The following STIM2 variants were observed in gnomAD, a reference collection of about 807,000 sequenced individuals.
STIM2 encodes the protein stromal interaction molecule 2.
A neutral mutation model predicts 85.8 loss-of-function variants in STIM2; 31 were observed. That is an observed-to-expected ratio of 0.36 (90% CI 0.27 to 0.49). The LOEUF is 0.49. STIM2 is among the 20% of genes least tolerant of loss of function. The pLI is 0.98. For missense variants in STIM2, 841 were observed against 927.6 expected, an observed-to-expected ratio of 0.91 and a Z score of 1.21; for synonymous variants, 356 against 331.1, an observed-to-expected ratio of 1.08 and a Z score of -0.82.
intron 1 of STIM2, among the ~76,000 whole-genome samples, chr4:26,866,798 T>C (rs1452467615): frequency 6.6e-6 from 1 of 152,072 alleles, no homozygotes; most frequent in Non-Finnish European, 1.5e-5. Context: ...TATTAGATTA[T>C]TTGAGAGATA....
intron 3 of STIM2, among the ~76,000 whole-genome samples, chr4:26,992,868 T>G (rs1727814770): frequency 6.6e-6 from 1 of 152,098 alleles, no homozygotes; most frequent in Admixed American, 6.6e-5. Flanking sequence ...AATGGTTCTG[T>G]TAGATCTGTT....
chr4:26,865,255 G>A (rs1236335610), intron 1 of STIM2, among the ~76,000 whole-genome samples: 1 of 152,042 alleles, frequency 6.6e-6, no homozygotes, highest in African/African-American at 2.4e-5. Context: ...TGATCTAGTC[G>A]ATTCTGAACA....
chr4:26,946,887 C>A (rs1305102689), intron 2 of STIM2, among the ~76,000 whole-genome samples: 2 of 152,088 alleles, frequency 1.3e-5, no homozygotes, highest in Admixed American at 1.3e-4. Context: ...GATTCCAGAC[C>A]CTGTATACTA....
At chr4:26,891,599 C>A (rs200522378) in intron 1 of STIM2, among the ~76,000 whole-genome samples, 165 of 138,904 alleles carry the variant, frequency 1.2e-3, no homozygotes, top group Admixed American at 3.3e-3. Flanking sequence ...ACACACACAC[C>A]CCCTTTTGGT....
rs114692031 is a variant in STIM2, at chr4:27,012,765, C to T, written c.1489+3763C>T. Among the ~76,000 whole-genome samples the T allele has an allele frequency of 3.0e-3, 457 of 152,022 alleles. 1 individual carries two copies. The highest frequency in any genetic ancestry group is 0.01 in the African/African-American group (421 of 41,484). ...TTTAAAGAGAATGCTGCCAGAATTTCACCAGGAAGTATTTTTTTTAATGTT... is the reference window on the plus strand; with the variant it reads ...TTTAAAGAGAATGCTGCCAGAATTTTACCAGGAAGTATTTTTTTTAATGTT... On this transcript the variant is annotated intron_variant, in intron 10 of 11. Coordinates refer to ENST00000467087, the MANE Select transcript of STIM2 (RefSeq NM_020860.4).
At chr4:26,876,639 A>G (rs543593426) in intron 1 of STIM2, among the ~76,000 whole-genome samples, 5 of 152,306 alleles carry the variant, frequency 3.3e-5, no homozygotes, top group Non-Finnish European at 7.4e-5. Context: ...ACTCATAACC[A>G]AATGCCTTTA....
intron 1 of STIM2, among the ~76,000 whole-genome samples, chr4:26,891,558 T>TACACACACACACACACACACAC (rs71643700): frequency 6.9e-6 from 1 of 144,540 alleles, no homozygotes; most frequent in Non-Finnish European, 1.5e-5. Context: ...TATACATACA[T>TACACACACACACACACACACAC]ACACACACAC....
chr4:26,930,910 G>A (rs972006800), intron 2 of STIM2, among the ~76,000 whole-genome samples: 4 of 152,136 alleles, frequency 2.6e-5, no homozygotes, highest in Non-Finnish European at 5.9e-5. Context: ...CATGGTTTCT[G>A]TGGGTCAGAA....
chr4:26,874,754 G>A (rs35421037), intron 1 of STIM2, among the ~76,000 whole-genome samples: 19,770 of 152,140 alleles, frequency 0.13, 2,210 homozygotes, highest in African/African-American at 0.3. Flanking sequence ...TAGACTGTGA[G>A]GTTACATTGT....
chr4:26,861,316 C>T lies in STIM2; in HGVS notation c.98C>T (p.Thr33Ile). 1.4e-6 allele frequency: 2 copies of T among 1,411,216 alleles called. No individual in the cohort carries two copies. Among genetic ancestry groups the T allele is most frequent in the East Asian group, 3.1e-5 (1 of 32,422 alleles). 87.4% of individuals were successfully genotyped at this position (1,411,216 alleles called of 1,614,324 possible). A position where few individuals can be genotyped will look rare whatever the true frequency, so the allele number is the denominator to read the frequency against. ...CGGCGGGCGACTGGCTCTGCCGCAA[C>T]TGCCGCCTCCTCTCCCGCCGCGGCG... The change falls in exon 1 of 12, where the codon ACT (threonine) becomes ATT (isoleucine). Residue 33 changes from threonine to isoleucine, a missense_variant. Physicochemically the swap from Thr to Ile is moderately conservative, Grantham distance 89. This residue lies in a region of STIM2 where 140 missense variants were observed against 117.7 expected (regional missense o/e 1.19). Coordinates refer to ENST00000467087, the MANE Select transcript of STIM2 (RefSeq NM_020860.4).
intron 1 of STIM2, among the ~76,000 whole-genome samples, chr4:26,889,127 G>C (rs905748282): frequency 3.3e-5 from 5 of 152,174 alleles, no homozygotes; most frequent in African/African-American, 1.2e-4. Flanking sequence ...AATAGTGAGT[G>C]GCCCCACTCT....
At chr4:26,928,677 TA>T (rs1206567077) in intron 2 of STIM2, among the ~76,000 whole-genome samples, 1 of 152,142 alleles carries the variant, frequency 6.6e-6, no homozygotes, top group East Asian at 1.9e-4. Context: ...TATCAGATAT[TA>T]AATGCACATG....
chr4:26,885,684 T>G (rs1723191090), intron 1 of STIM2, among the ~76,000 whole-genome samples: 1 of 151,518 alleles, frequency 6.6e-6, no homozygotes, highest in Non-Finnish European at 1.5e-5. Flanking sequence ...CTGGGTGAAT[T>G]CAGAATGTAA....
intron 1 of STIM2, among the ~76,000 whole-genome samples, chr4:26,916,659 A>C (rs990757586): frequency 3.9e-5 from 6 of 152,102 alleles, no homozygotes; most frequent in African/African-American, 1.4e-4. Context: ...AGCAGTCTCT[A>C]CCTGATCTTC....
chr4:26,989,508 G>A (rs1234244159), intron 3 of STIM2, among the ~76,000 whole-genome samples: 3 of 152,122 alleles, frequency 2.0e-5, no homozygotes, highest in African/African-American at 4.8e-5. Context: ...TGTGTGTTTC[G>A]TGCCGAATGG....
At chr4:26,889,139 A>T (rs1723369317) in intron 1 of STIM2, among the ~76,000 whole-genome samples, 1 of 152,186 alleles carries the variant, frequency 6.6e-6, no homozygotes, top group Non-Finnish European at 1.5e-5. Flanking sequence ...CCCCACTCTT[A>T]TTTCTCTCTC....
intron 7 of STIM2, among the ~76,000 whole-genome samples, chr4:27,004,370 A>G (rs1393706406): frequency 6.6e-6 from 1 of 152,212 alleles, no homozygotes. Flanking sequence ...TTGACAAAAA[A>G]GGCCTAGTCG....
At position 27,025,149 on chromosome 4, in the gene STIM2, A is replaced by G. The variant is rs879692002; in HGVS notation, c.*2153A>G. ...TTATAAACAAATTCAACCAAGGGAT[A>G]TTTACTGCTTTATGTTGCTTATGAT... On this transcript the variant is annotated 3_prime_UTR_variant, in exon 12 of 12. Transcript: ENST00000467087. The G allele has an allele frequency of 6.6e-6, 1 of 152,178 alleles. No individual in the cohort carries two copies. Among genetic ancestry groups the G allele is most frequent in the Admixed American group, 6.5e-5 (1 of 15,282 alleles). The allele number at this position is 152,178 out of a possible 1,614,324, so 9.4% of individuals were successfully genotyped here. A position where few individuals can be genotyped will look rare whatever the true frequency, so the allele number is the denominator to read the frequency against.
intron 1 of STIM2, among the ~76,000 whole-genome samples, chr4:26,913,107 A>T (rs1003143452): frequency 2.0e-5 from 3 of 152,010 alleles, no homozygotes; most frequent in Non-Finnish European, 4.4e-5. Context: ...TTTCCTGTTT[A>T]TGTTTATTCT....
Sources: gnomAD v4.1 joint callset for allele counts (sites outside exome capture counted in the v4.1 genomes callset) on GRCh38, gnomAD v4.1.1 for gene constraint, gnomAD v4.1.1 regional missense constraint, MANE v1.5 for transcripts, NCBI Gene and HGNC (gene_info 2026-07-23, HGNC 2026-07-21) for gene names.